PPP1R16B: variants seen among roughly 807,000 people sequenced by gnomAD.
PPP1R16B encodes protein phosphatase 1 regulatory inhibitor subunit 16B.
Under a neutral mutation model 61.7 loss-of-function variants are expected in PPP1R16B, and 14 were observed. That is an observed-to-expected ratio of 0.23 (90% confidence interval 0.15 to 0.35). PPP1R16B has a LOEUF of 0.35. Among genes scored for constraint, PPP1R16B ranks in the 10% least tolerant of loss-of-function variants. The probability of loss-of-function intolerance (pLI) is 1.00; values close to 1 mark genes in which losing one functional copy is unlikely to be tolerated. For synonymous variants in PPP1R16B, 266 were observed against 305.3 expected (o/e 0.87, Z 1.34); for missense variants, 547 against 752.5 (o/e 0.73, Z 3.19).
rs755851503 is a variant in PPP1R16B, at chr20:38,907,769, GC to G, written c.899-33del. On this transcript the variant is annotated intron_variant, in intron 8 of 10. Transcript: ENST00000299824. This position sits in a 1 kb window ranked among gnomAD's most constrained non-coding sequence, Gnocchi z 4.5. ...GCACCCTCTTGCGCCACAGGTCCTG[GC>G]CCCGTCCCCCACAACAGACTCCTCT... 6.2e-7 allele frequency: 1 copy of G among 1,611,996 alleles called. No homozygotes were observed. Among genetic ancestry groups the G allele is most frequent in the Middle Eastern group, 1.8e-4 (1 of 5,622 alleles).
intron 4 of PPP1R16B, 65 bp downstream of exon 4, chr20:38,895,775 T>G (rs1465651580): frequency 1.3e-6 from 2 of 1,513,360 alleles, no homozygotes; most frequent in Non-Finnish European, 1.8e-6. Flanking sequence ...AACTTCCTTC[T>G]TTCTCTCCTC....
chr20:38,823,007 C>T (rs568544841), intron 1 of PPP1R16B, among the ~76,000 whole-genome samples: 13 of 152,198 alleles, frequency 8.5e-5, no homozygotes, highest in African/African-American at 2.9e-4. Flanking sequence ...GAAATACAAC[C>T]GGTGAGAGGG....
intron 4 of PPP1R16B, among the ~76,000 whole-genome samples, 155 bp downstream of exon 4, chr20:38,895,865 TC>T (rs1568678898): frequency 0.012 from 1,419 of 117,896 alleles, 167 homozygotes; most frequent in Non-Finnish European, 0.017. Flanking sequence ...CTTTCTTCCC[TC>T]CCTCCCTCCT....
chr20:38,811,210 CT>C (rs1260361776), intron 1 of PPP1R16B, among the ~76,000 whole-genome samples: 4 of 152,104 alleles, frequency 2.6e-5, no homozygotes, highest in African/African-American at 4.8e-5. Flanking sequence ...ATGAATGAAT[CT>C]TTTAGGATGG....
At chr20:38,881,230 G>A (rs1026322443) in intron 2 of PPP1R16B, among the ~76,000 whole-genome samples, 2 of 152,228 alleles carry the variant, frequency 1.3e-5, no homozygotes, top group African/African-American at 4.8e-5. Flanking sequence ...AGGCAGCCGG[G>A]CTTCCCTGGG....
At chr20:38,849,258 G>A (rs558422950) in intron 2 of PPP1R16B, among the ~76,000 whole-genome samples, 1 of 152,208 alleles carries the variant, frequency 6.6e-6, no homozygotes, top group South Asian at 2.1e-4. Flanking sequence ...TATCTTGGGG[G>A]TTTCTATTTA....
At chr20:38,888,882 C>A (rs1015536935) in intron 2 of PPP1R16B, among the ~76,000 whole-genome samples, 2 of 107,410 alleles carry the variant, frequency 1.9e-5, no homozygotes, top group Non-Finnish European at 4.0e-5. Context: ...CCTGAACACA[C>A]ACACACACAC....
At chr20:38,894,260 C>G (rs116773893) in intron 3 of PPP1R16B, among the ~76,000 whole-genome samples, 2,920 of 152,276 alleles carry the variant, frequency 0.019, 96 homozygotes, top group African/African-American at 0.067. Context: ...GGCTGTGGTG[C>G]CGCCCCATCC....
intron 10 of PPP1R16B, among the ~76,000 whole-genome samples, chr20:38,914,701 C>T (rs1289273122): frequency 6.6e-6 from 1 of 152,180 alleles, no homozygotes; most frequent in Non-Finnish European, 1.5e-5. Context: ...CTCATTCTGA[C>T]AGGGTCACTC....
At chr20:38,820,506 C>T (rs1199212760) in intron 1 of PPP1R16B, among the ~76,000 whole-genome samples, 3 of 150,622 alleles carry the variant, frequency 2.0e-5, no homozygotes, top group Admixed American at 6.6e-5. Context: ...TGCAGTGAGC[C>T]GAGACTGTGC....
At position 38,806,193 on chromosome 20, in the gene PPP1R16B, C is replaced by T. The variant is rs2084659226; in HGVS notation, c.-102+401C>T. On this transcript the variant is annotated intron_variant, in intron 1 of 10. Coordinates refer to ENST00000299824, the MANE Select transcript of PPP1R16B (RefSeq NM_015568.4). This position sits in a 1 kb window ranked among gnomAD's most constrained non-coding sequence, Gnocchi z 4.5. The stretch of plus-strand genomic sequence containing the variant: ...GCCGGGCGGCGGGAGCCACAGCGGA[C>T]ACCAAACAACCCCCCCCCGCGCACT... Among the ~76,000 whole-genome samples, 2 of 152,028 alleles carry T rather than the reference C, an allele frequency of 1.3e-5. No homozygotes were observed. Among genetic ancestry groups the T allele is most frequent in the Admixed American group, 6.5e-5 (1 of 15,282 alleles).
intron 2 of PPP1R16B, among the ~76,000 whole-genome samples, chr20:38,869,020 G>T (rs1423122285): frequency 6.6e-6 from 1 of 150,434 alleles, no homozygotes; most frequent in Non-Finnish European, 1.5e-5. Flanking sequence ...AAGTTCCCCT[G>T]TGTCCCTTCC....
chr20:38,855,611 T>G (rs1325706085), intron 2 of PPP1R16B, among the ~76,000 whole-genome samples: 1 of 151,948 alleles, frequency 6.6e-6, no homozygotes, highest in Non-Finnish European at 1.5e-5. Context: ...TCTCCCAGCT[T>G]TCAGGAGAAA....
rs1340537280 is a variant in PPP1R16B at position 38,896,172 on chromosome 20, TTCTTTCTTCCCTCCCTTC to T, written c.467+463_467+480del. Among the ~76,000 whole-genome samples the T allele has an allele frequency of 3.8e-3, 351 of 92,746 alleles. 6 individuals carry two copies. Among genetic ancestry groups the T allele is most frequent in the African/African-American group, 0.017 (331 of 19,952 alleles). 60.8% of individuals were successfully genotyped at this position (92,746 alleles called of 152,430 possible). A position where few individuals can be genotyped will look rare whatever the true frequency, so the allele number is the denominator to read the frequency against. Reference sequence around the variant, plus strand: ...CTTTCTTCCTCCCTCCCTTCCTTCCTTCTTTCTTCCCTCCCTTCCTTCTTTCTTCCCTCCCTCTCTCCC... The same window carrying T: ...CTTTCTTCCTCCCTCCCTTCCTTCCTCTTCTTTCTTCCCTCCCTCTCTCCC... On this transcript the variant is annotated intron_variant, in intron 4 of 10. Coordinates refer to ENST00000299824, the MANE Select transcript of PPP1R16B (RefSeq NM_015568.4).
intron 2 of PPP1R16B, among the ~76,000 whole-genome samples, chr20:38,865,705 G>A (rs1002466699): frequency 6.6e-6 from 1 of 152,216 alleles, no homozygotes; most frequent in Non-Finnish European, 1.5e-5. Flanking sequence ...CTTACTGAAT[G>A]TTCCCATGGC....
In PPP1R16B at chr20:38,826,690, A is replaced by G. The variant is rs184032470; in HGVS notation, c.-101-9135A>G. On this transcript the variant is annotated intron_variant, in intron 1 of 10. Coordinates refer to ENST00000299824, the MANE Select transcript of PPP1R16B (RefSeq NM_015568.4). ...TGGTTACCAAATGCTGGGTGCAGAT[A>G]TGCATGATAGAGTGCTTAGTCCCAA... is the stretch of plus-strand genomic sequence containing the variant. 2.1e-3 allele frequency among the ~76,000 whole-genome samples: 317 copies of G among 152,338 alleles called. 1 individual carries two copies. The highest frequency in any genetic ancestry group is 7.4e-3 in the African/African-American group (306 of 41,570).
rs531356652 is a variant in PPP1R16B, at chr20:38,819,416, G to A, written c.-102+13624G>A. 1.2e-4 allele frequency among the ~76,000 whole-genome samples: 18 copies of A among 152,138 alleles called. No individual in the cohort carries two copies. In the South Asian group the frequency reaches 2.9e-3, roughly 25 times the overall value. ...CCTGGCTGCTTAGGGAGGCTGAGGC[G>A]GGAGGATTGTTTGAACCCAGGAGTT... is the stretch of plus-strand genomic sequence containing the variant. On this transcript the variant is annotated intron_variant, in intron 1 of 10. Coordinates refer to ENST00000299824, the MANE Select transcript of PPP1R16B (RefSeq NM_015568.4).
At chr20:38,863,463 G>A (rs62202528) in intron 2 of PPP1R16B, among the ~76,000 whole-genome samples, 4,069 of 152,312 alleles carry the variant, frequency 0.027, 61 homozygotes, top group Non-Finnish European at 0.045. Flanking sequence ...CCACGTTTCC[G>A]TGTCTGTCTC....
chr20:38,838,891 C>T (rs979639950), intron 2 of PPP1R16B, among the ~76,000 whole-genome samples: 5 of 152,352 alleles, frequency 3.3e-5, no homozygotes, highest in Middle Eastern at 3.4e-3. Context: ...TGACTTTGAG[C>T]AGCTTGTTTC....
Sources: allele counts gnomAD v4.1 joint callset (sites outside exome capture counted in the v4.1 genomes callset), GRCh38; gene constraint gnomAD v4.1.1; non-coding constraint Gnocchi (gnomAD v3.1); transcripts MANE v1.5; gene names NCBI Gene and HGNC (gene_info 2026-07-23, HGNC 2026-07-21).